Variants in SOX5 observed in about 807,000 individuals in gnomAD.
The protein encoded by SOX5 is SRY-box transcription factor 5.
Under a neutral mutation model 92.0 loss-of-function variants are expected in SOX5, and 9 were observed. The observed-to-expected ratio is 0.10, with a 90% CI of 0.06 to 0.17. SOX5 has a LOEUF of 0.17. SOX5 is among the 10% of genes least tolerant of loss of function. The pLI, the probability that SOX5 is intolerant of heterozygous loss-of-function variation, is 1.00. For synonymous variants in SOX5, 344 were observed against 336.3 expected (o/e 1.02, Z -0.25); for missense variants, 642 against 944.5 (o/e 0.68, Z 4.20).
intron 7 of SOX5, among the ~76,000 whole-genome samples, chr12:23,648,938 CTAAT>C (rs1163180537): frequency 6.6e-6 from 1 of 152,078 alleles, no homozygotes; most frequent in Non-Finnish European, 1.5e-5. Context: ...AATATGTCGA[CTAAT>C]TAATTTCAAA....
At chr12:23,668,005 T>G (rs2084107896) in intron 6 of SOX5, among the ~76,000 whole-genome samples, 1 of 152,246 alleles carries the variant, frequency 6.6e-6, no homozygotes, top group African/African-American at 2.4e-5. Context: ...CCTGGTCATT[T>G]GCAGACGTGC....
At chr12:24,156,537 C>T (rs1952190571) in intron 4 of SOX5, among the ~76,000 whole-genome samples, 1 of 152,142 alleles carries the variant, frequency 6.6e-6, no homozygotes, top group Non-Finnish European at 1.5e-5. Context: ...GTTTCCAGAA[C>T]TTACAACAGA....
At chr12:24,194,327 AC>A (rs1158431501) in intron 4 of SOX5, among the ~76,000 whole-genome samples, 2 of 152,126 alleles carry the variant, frequency 1.3e-5, no homozygotes, top group Non-Finnish European at 2.9e-5. Context: ...CTGATGAAAT[AC>A]TCAACCAGCT....
At chr12:24,306,879 G>T (rs886108560) in intron 2 of SOX5, among the ~76,000 whole-genome samples, 2 of 152,092 alleles carry the variant, frequency 1.3e-5, no homozygotes, top group Non-Finnish European at 2.9e-5. Context: ...AGAAAGGAGA[G>T]AACACAGCTG....
chr12:24,381,830 A>C (rs1957857604), intron 1 of SOX5, among the ~76,000 whole-genome samples: 2 of 152,216 alleles, frequency 1.3e-5, no homozygotes, highest in South Asian at 4.1e-4. Flanking sequence ...GCAGAGAAAA[A>C]CTTCAGGGAG....
At chr12:23,816,211 T>TC (rs897377066) in intron 3 of SOX5, among the ~76,000 whole-genome samples, 1 of 149,768 alleles carries the variant, frequency 6.7e-6, no homozygotes, top group Non-Finnish European at 1.5e-5. Context: ...AGATTTCTTT[T>TC]TTTTTTTTTT....
intron 1 of SOX5, among the ~76,000 whole-genome samples, chr12:24,463,973 C>G (rs1175385409): frequency 6.6e-6 from 1 of 152,068 alleles, no homozygotes; most frequent in African/African-American, 2.4e-5. Flanking sequence ...GCAAAATAAA[C>G]AAAATTTTTA....
chr12:23,983,413 A>G (rs541010323), intron 4 of SOX5, among the ~76,000 whole-genome samples: 1 of 152,288 alleles, frequency 6.6e-6, no homozygotes, highest in Admixed American at 6.5e-5. Context: ...GTATAGTGGG[A>G]ATAATCATGG....
intron 4 of SOX5, among the ~76,000 whole-genome samples, chr12:24,085,006 A>T (rs78319297): frequency 0.038 from 5,713 of 152,194 alleles, 140 homozygotes; most frequent in Admixed American, 0.06. Context: ...TGTTAACATC[A>T]TACTCTCACA....
At chr12:24,490,879 CT>C (rs1946996182) in intron 1 of SOX5, among the ~76,000 whole-genome samples, 1 of 152,010 alleles carries the variant, frequency 6.6e-6, no homozygotes, top group Admixed American at 6.6e-5. Flanking sequence ...CACCAGGCCT[CT>C]AAAACACATG....
chr12:23,568,356 T>C (rs1947524341), intron 10 of SOX5, among the ~76,000 whole-genome samples: 1 of 152,132 alleles, frequency 6.6e-6, no homozygotes, highest in African/African-American at 2.4e-5. Context: ...TAAATTTCTG[T>C]TTCAACCCAC....
intron 3 of SOX5, among the ~76,000 whole-genome samples, chr12:23,811,000 GT>G (rs1166328726): frequency 6.6e-6 from 1 of 152,216 alleles, no homozygotes; most frequent in East Asian, 1.9e-4. Flanking sequence ...TTCAGAGGTG[GT>G]TTTTGTGTAA....
Position 23,686,742 on chromosome 12 carries a change from T to C in SOX5, c.811-21178A>G, listed in dbSNP as rs192276777. On this transcript the variant is annotated intron_variant, in intron 6 of 14. Transcript: ENST00000451604. ...ATTCTTTTTCCTTTTTTGGAAATTC[T>C]GATAGCAATCATCAAGACTATGCCT... Among the ~76,000 whole-genome samples the C allele has an allele frequency of 2.4e-3, 371 of 152,226 alleles. 1 individual carries two copies. Among genetic ancestry groups the C allele is most frequent in the African/African-American group, 8.2e-3 (341 of 41,564 alleles).
chr12:23,651,394 C>T (rs2081543357), intron 7 of SOX5, among the ~76,000 whole-genome samples: 1 of 151,944 alleles, frequency 6.6e-6, no homozygotes, highest in African/African-American at 2.4e-5. Context: ...AACATTATTG[C>T]AGAACACACA....
chr12:24,161,943 A>G (rs1441942806), intron 4 of SOX5, among the ~76,000 whole-genome samples: 1 of 152,098 alleles, frequency 6.6e-6, no homozygotes, highest in Non-Finnish European at 1.5e-5. Context: ...ATACAAAAAT[A>G]TGGTTTTGAA....
At chr12:23,897,827 A>T (rs181841557) in intron 1 of SOX5, among the ~76,000 whole-genome samples, 1 of 152,282 alleles carries the variant, frequency 6.6e-6, no homozygotes, top group East Asian at 1.9e-4. Flanking sequence ...AAACAGACAA[A>T]GAGGAGGAAA....
At chr12:24,276,313 G>A (rs1033076945) in intron 3 of SOX5, among the ~76,000 whole-genome samples, 11 of 152,114 alleles carry the variant, frequency 7.2e-5, no homozygotes, top group African/African-American at 2.4e-4. Flanking sequence ...TTTTAAAAGA[G>A]GTAACCACTA....
chr12:23,909,562 T>C (rs2097328928), intron 1 of SOX5, among the ~76,000 whole-genome samples: 1 of 152,186 alleles, frequency 6.6e-6, no homozygotes, highest in African/African-American at 2.4e-5. Context: ...AATCTTGCAC[T>C]TCAATACAGT....
chr12:23,974,601 T>G (rs1471232466), intron 4 of SOX5, among the ~76,000 whole-genome samples: 1 of 152,200 alleles, frequency 6.6e-6, no homozygotes, highest in Non-Finnish European at 1.5e-5. Flanking sequence ...AACAGTTAGG[T>G]GCATTCTTCA....
Sources: allele counts gnomAD v4.1 joint callset (sites outside exome capture counted in the v4.1 genomes callset), GRCh38; gene constraint gnomAD v4.1.1; transcripts MANE v1.5; gene names NCBI Gene and HGNC (gene_info 2026-07-23, HGNC 2026-07-21).